LRRC4C: variants seen among roughly 807,000 people sequenced by gnomAD.
LRRC4C encodes the protein leucine-rich repeat-containing protein 4C.
A neutral mutation model predicts 33.6 loss-of-function variants in LRRC4C; 5 were observed. The ratio of observed to expected loss-of-function variants is 0.15; its 90% CI spans 0.08 to 0.31. LRRC4C has a LOEUF of 0.31. Among genes scored for constraint, LRRC4C ranks in the 10% least tolerant of loss-of-function variants. The pLI is 1.00. For missense variants in LRRC4C, 560 were observed against 796.7 expected (o/e 0.70, Z 3.58); for synonymous variants, 329 against 302.0 (o/e 1.09, Z -0.93).
At chr11:40,386,350 C>G (rs1413776437) in intron 3 of LRRC4C, among the ~76,000 whole-genome samples, 1 of 152,238 alleles carries the variant, frequency 6.6e-6, no homozygotes, top group African/African-American at 2.4e-5. Flanking sequence ...AAACTGGGGT[C>G]AAATTGCAGG....
Position 40,739,816 on chromosome 11 carries a change from C to G in LRRC4C, c.-406-91538G>C, listed in dbSNP as rs556554291. On this transcript the variant is annotated intron_variant, in intron 2 of 6. Transcript: ENST00000528697. Reference sequence around the variant, plus strand: ...CTGAGGTCTCCCCAGCCATGTGGAACTGTCAGTCAATTAAACCTCTTTTCT... The same window carrying G: ...CTGAGGTCTCCCCAGCCATGTGGAAGTGTCAGTCAATTAAACCTCTTTTCT... 2.6e-5 allele frequency among the ~76,000 whole-genome samples: 4 copies of G among 152,092 alleles called. No individual in the cohort carries two copies. In the South Asian group the frequency reaches 8.3e-4, roughly 32 times the overall value.
At chr11:41,093,311 C>T (rs1940563695) in intron 1 of LRRC4C, among the ~76,000 whole-genome samples, 1 of 152,216 alleles carries the variant, frequency 6.6e-6, no homozygotes. Flanking sequence ...CTGAATATAA[C>T]ACCAAAAGGT....
intron 2 of LRRC4C, among the ~76,000 whole-genome samples, chr11:40,662,300 A>T (rs1310446385): frequency 1.3e-5 from 2 of 152,134 alleles, no homozygotes; most frequent in African/African-American, 4.8e-5. Flanking sequence ...AGCTTTGTAT[A>T]AGAGACCCCA....
intron 1 of LRRC4C, among the ~76,000 whole-genome samples, chr11:41,274,238 A>G (rs1843350886): frequency 1.3e-5 from 2 of 152,158 alleles, no homozygotes; most frequent in Non-Finnish European, 2.9e-5. Context: ...CATTTCACGT[A>G]GAAGGAAACC....
At position 41,444,071 on chromosome 11, in the gene LRRC4C, G is replaced by A. The variant is rs188300146; in HGVS notation, c.-496+15360C>T. On this transcript the variant is annotated intron_variant, in intron 1 of 6. Coordinates refer to ENST00000528697, the MANE Select transcript of LRRC4C (RefSeq NM_001258419.2). Reference sequence around the variant, plus strand: ...GAACACAGGTAAATTCCACAGATGCGAAGGAATTTCCGAACCTCTAATGCT... The same window carrying A: ...GAACACAGGTAAATTCCACAGATGCAAAGGAATTTCCGAACCTCTAATGCT... Among the ~76,000 whole-genome samples the A allele has an allele frequency of 5.6e-3, 850 of 152,130 alleles. 9 individuals are homozygous for A. The highest frequency in any genetic ancestry group is 0.02 in the African/African-American group (823 of 41,492).
chr11:40,723,131 T>C (rs1947111682), intron 2 of LRRC4C, among the ~76,000 whole-genome samples: 1 of 152,092 alleles, frequency 6.6e-6, no homozygotes, highest in Non-Finnish European at 1.5e-5. Context: ...CTATGACTCA[T>C]TGGCATTTCT....
At chr11:41,307,708 C>T (rs1045714584) in intron 1 of LRRC4C, among the ~76,000 whole-genome samples, 1 of 152,168 alleles carries the variant, frequency 6.6e-6, no homozygotes, top group African/African-American at 2.4e-5. Context: ...GCTTTTCCCA[C>T]GTGCATCTTA....
intron 2 of LRRC4C, among the ~76,000 whole-genome samples, chr11:40,825,537 C>A (rs1291224394): frequency 2.0e-5 from 3 of 151,862 alleles, no homozygotes; most frequent in African/African-American, 7.3e-5. Context: ...CTGGCTATAA[C>A]AATAAGGTAA....
At chr11:41,033,609 T>C (rs569117233) in intron 1 of LRRC4C, among the ~76,000 whole-genome samples, 5 of 152,172 alleles carry the variant, frequency 3.3e-5, no homozygotes, top group Non-Finnish European at 7.4e-5. Context: ...ACTGGTTTCA[T>C]ATATCCAAAC....
chr11:41,450,382 A>C (rs1387127995), intron 1 of LRRC4C, among the ~76,000 whole-genome samples: 4 of 152,310 alleles, frequency 2.6e-5, no homozygotes, highest in Non-Finnish European at 5.9e-5. Flanking sequence ...CAAAGGTGGA[A>C]AATATTTTCA....
chr11:41,340,214 G>T (rs1951585075), intron 1 of LRRC4C, among the ~76,000 whole-genome samples: 2 of 152,122 alleles, frequency 1.3e-5, no homozygotes, highest in African/African-American at 4.8e-5. Context: ...TTTATTAGAG[G>T]CAAAGCAGAG....
intron 1 of LRRC4C, among the ~76,000 whole-genome samples, chr11:41,056,754 A>G (rs1858648779): frequency 6.6e-6 from 1 of 152,264 alleles, no homozygotes; most frequent in Non-Finnish European, 1.5e-5. Flanking sequence ...TTAAAAAGTT[A>G]AAAAATAACA....
At chr11:40,848,440 C>T (rs1370040657) in intron 2 of LRRC4C, among the ~76,000 whole-genome samples, 1 of 152,022 alleles carries the variant, frequency 6.6e-6, no homozygotes, top group Non-Finnish European at 1.5e-5. Flanking sequence ...TTTTCAGTTT[C>T]CATGTAGTTG....
At chr11:40,185,556 T>C (rs1279111600) in intron 5 of LRRC4C, among the ~76,000 whole-genome samples, 2 of 152,146 alleles carry the variant, frequency 1.3e-5, no homozygotes, top group Admixed American at 6.5e-5. Context: ...GTGAGAAGCA[T>C]GAGAAGCATG....
rs562381171 is a variant in LRRC4C, at chr11:40,525,723, C to A, written c.-270+122419G>T. 1.9e-3 allele frequency among the ~76,000 whole-genome samples: 283 copies of A among 147,054 alleles called. 1 individual carries two copies. Among genetic ancestry groups the A allele is most frequent in the Non-Finnish European group, 3.5e-3 (233 of 66,228 alleles). ...AAAAATCCAAACAAAACTTCAGCAA[C>A]TTTTTTTTTTTGAGATTGGGAAGCT... On this transcript the variant is annotated intron_variant, in intron 3 of 6. Transcript: ENST00000528697.
intron 2 of LRRC4C, among the ~76,000 whole-genome samples, chr11:40,890,507 G>T (rs901909614): frequency 6.6e-6 from 1 of 152,110 alleles, no homozygotes; most frequent in Non-Finnish European, 1.5e-5. Flanking sequence ...TTGCATTTAG[G>T]ATTGTTTCAA....
intron 2 of LRRC4C, among the ~76,000 whole-genome samples, chr11:40,762,566 G>C (rs1396119034): frequency 6.6e-6 from 1 of 151,984 alleles, no homozygotes; most frequent in Non-Finnish European, 1.5e-5. Context: ...TTTCTTTTTT[G>C]AGTCTGTTCC....
At chr11:40,139,741 T>G (rs1857236076) in intron 6 of LRRC4C, among the ~76,000 whole-genome samples, 1 of 152,194 alleles carries the variant, frequency 6.6e-6, no homozygotes, top group Non-Finnish European at 1.5e-5. Context: ...TTGTGAGCAA[T>G]GAATAGGTCT....
intron 2 of LRRC4C, among the ~76,000 whole-genome samples, chr11:40,916,904 G>A (rs1299645973): frequency 1.3e-5 from 2 of 151,924 alleles, no homozygotes; most frequent in Non-Finnish European, 2.9e-5. Context: ...ATGAATTTAT[G>A]CAATTGCAAT....
Sources: allele counts gnomAD v4.1 joint callset (sites outside exome capture counted in the v4.1 genomes callset), GRCh38; gene constraint gnomAD v4.1.1; transcripts MANE v1.5; gene names NCBI Gene and HGNC (gene_info 2026-07-23, HGNC 2026-07-21).